Variants in RASEF observed in about 807,000 individuals in gnomAD.
RASEF encodes RAS and EF-hand domain containing, also known as ras and EF-hand domain-containing protein.
Under a neutral mutation model 90.1 loss-of-function variants are expected in RASEF, and 68 were observed. That is an observed-to-expected ratio of 0.75 (90% CI 0.62 to 0.92). The LOEUF (loss-of-function observed/expected upper bound fraction) is 0.92, where lower values mean the gene tolerates loss of function less well. Among genes scored for constraint, RASEF ranks in the 40% least tolerant of loss-of-function variants. The pLI is 0.00. For synonymous variants in RASEF, 331 were observed against 345.2 expected, an observed-to-expected ratio of 0.96 and a Z score of 0.46; for missense variants, 949 against 937.2, an observed-to-expected ratio of 1.01 and a Z score of -0.16.
chr9:83,037,066 C>A (rs1829754904), intron 1 of RASEF, among the ~76,000 whole-genome samples: 1 of 152,092 alleles, frequency 6.6e-6, no homozygotes, highest in Non-Finnish European at 1.5e-5. Context: ...CAACCATATT[C>A]TTCAGAGTCT....
the RASEF span, among the ~76,000 whole-genome samples, chr9:83,216,941 C>CT: frequency 6.6e-6 from 1 of 152,294 alleles, no homozygotes; most frequent in South Asian, 2.1e-4. Flanking sequence ...TGCAAACACT[C>CT]AACACCAGCT....
In RASEF at chr9:83,009,666, CA is replaced by C; in HGVS notation, c.933del (p.Tyr311Ter). ...CTTTCAGTATTCAGACTCTGATCAG[CA>C]TAATCACTTTTCAAAGCATCTAACT... is the stretch of plus-strand genomic sequence containing the variant. ...QSELDALKSDYADQSLNTERD... is the reference protein window; with the variant it reads ...QSELDALKSDXADQSLNTERD... On this transcript the variant is annotated frameshift_variant, in exon 6 of 17. Coordinates refer to ENST00000376447, the MANE Select transcript of RASEF (RefSeq NM_152573.4). LOFTEE classifies it high-confidence loss of function. 1.2e-6 allele frequency: 2 copies of C among 1,608,724 alleles called. No individual in the cohort carries two copies. Among genetic ancestry groups the C allele is most frequent in the Non-Finnish European group, 1.7e-6 (2 of 1,175,434 alleles).
At chr9:83,211,785 G>A in the RASEF span, among the ~76,000 whole-genome samples, 30 of 152,266 alleles carry the variant, frequency 2.0e-4, no homozygotes, top group East Asian at 4.8e-3. Context: ...TATTAGAGAT[G>A]GACACTCAGA....
chr9:83,129,128 C>A, the RASEF span, among the ~76,000 whole-genome samples: 19 of 152,068 alleles, frequency 1.2e-4, no homozygotes, highest in Non-Finnish European at 2.5e-4. Flanking sequence ...CCTTTGGGGC[C>A]AAAATGGTTC....
intron 1 of RASEF, chr9:83,048,314 G>A: frequency 1.0e-6 from 1 of 985,372 alleles, no homozygotes; most frequent in Non-Finnish European, 1.2e-6. Context: ...TGTGGTAGAG[G>A]GGTGGAAACT....
At chr9:83,025,716 C>G in intron 2 of RASEF, 59 bp downstream of exon 2, 1 of 1,552,782 alleles carries the variant, frequency 6.4e-7, no homozygotes, top group Non-Finnish European at 8.8e-7. Flanking sequence ...ATTTGCCACC[C>G]AGGTCAGAGA....
At chr9:83,031,435 T>C (rs1328673403) in intron 1 of RASEF, among the ~76,000 whole-genome samples, 1 of 152,236 alleles carries the variant, frequency 6.6e-6, no homozygotes, top group Non-Finnish European at 1.5e-5. Flanking sequence ...TTTACATATA[T>C]TATTCATTTA....
intron 1 of RASEF, among the ~76,000 whole-genome samples, chr9:83,046,524 C>T (rs1008469076): frequency 6.6e-6 from 1 of 152,162 alleles, no homozygotes; most frequent in African/African-American, 2.4e-5. Flanking sequence ...GTTTGAAGTA[C>T]ATGCGATACC....
chr9:83,171,834 T>C, the RASEF span, among the ~76,000 whole-genome samples: 1 of 151,764 alleles, frequency 6.6e-6, no homozygotes, highest in Non-Finnish European at 1.5e-5. Flanking sequence ...AGTTAGTGGT[T>C]TATCAATTTT....
chr9:83,004,915 T>C (rs1000497719), intron 8 of RASEF, among the ~76,000 whole-genome samples: 1 of 152,170 alleles, frequency 6.6e-6, no homozygotes, highest in Non-Finnish European at 1.5e-5. Flanking sequence ...TCTTGAACCA[T>C]AATTTGGCTT....
upstream of RASEF, among the ~76,000 whole-genome samples, chr9:83,066,876 G>C (rs577872669): frequency 1.3e-5 from 2 of 152,292 alleles, no homozygotes; most frequent in East Asian, 3.9e-4. Flanking sequence ...TTTTGGTTTG[G>C]TTTGGTTTCA....
chr9:83,034,292 C>G (rs1829701343), intron 1 of RASEF, among the ~76,000 whole-genome samples: 1 of 152,160 alleles, frequency 6.6e-6, no homozygotes, highest in Admixed American at 6.5e-5. Context: ...GAAAGACAAC[C>G]TGGTCCAGGG....
At chr9:83,097,954 T>C in the RASEF span, among the ~76,000 whole-genome samples, 1 of 152,192 alleles carries the variant, frequency 6.6e-6, no homozygotes, top group African/African-American at 2.4e-5. Flanking sequence ...AACAGTCCTA[T>C]AAAATAGATG....
At chr9:83,191,850 C>A in the RASEF span, among the ~76,000 whole-genome samples, 192 of 152,248 alleles carry the variant, frequency 1.3e-3, 1 homozygote, top group Middle Eastern at 0.031. Flanking sequence ...TATACAGGAA[C>A]TTTCTGTAGT....
the RASEF span, among the ~76,000 whole-genome samples, chr9:83,159,735 G>A: frequency 6.6e-6 from 1 of 152,108 alleles, no homozygotes; most frequent in Non-Finnish European, 1.5e-5. Flanking sequence ...TATGAGTTTT[G>A]TCTTGTAAAA....
the RASEF span, among the ~76,000 whole-genome samples, chr9:83,082,986 T>C: frequency 6.6e-6 from 1 of 152,206 alleles, no homozygotes; most frequent in African/African-American, 2.4e-5. Context: ...CAAACATACC[T>C]GTAGTAAACG....
chr9:83,152,758 A>T, the RASEF span, among the ~76,000 whole-genome samples: 657 of 148,104 alleles, frequency 4.4e-3, 8 homozygotes, highest in African/African-American at 0.015. Context: ...ACACACACAC[A>T]CTCAGGAAAC....
chr9:83,057,846 C>CATATATATAT lies in RASEF; in HGVS notation c.431+4581_431+4590dup, dbSNP rs66535022. 6.3e-5 allele frequency among the ~76,000 whole-genome samples: 9 copies of CATATATATAT among 143,410 alleles called. No homozygotes were observed. The South Asian group carries it at 6.6e-4, about 10-fold the overall frequency. 94.1% of individuals were successfully genotyped at this position (143,410 alleles called of 152,430 possible). ...TCATATATACATATATTCATATATA[C>CATATATATAT]ATATATATATATATATATATATATA... On this transcript the variant is annotated intron_variant, in intron 1 of 16. Transcript: ENST00000376447.
the RASEF span, among the ~76,000 whole-genome samples, chr9:83,092,966 T>C: frequency 6.6e-6 from 1 of 151,908 alleles, no homozygotes; most frequent in South Asian, 2.1e-4. Flanking sequence ...ATTGGTGTGT[T>C]TACAAACCTT....
Sources: gnomAD v4.1 joint callset for allele counts (sites outside exome capture counted in the v4.1 genomes callset) on GRCh38, gnomAD v4.1.1 for gene constraint, MANE v1.5 for transcripts, NCBI Gene and HGNC (gene_info 2026-07-23, HGNC 2026-07-21) for gene names.